ABI3BP: variants seen among roughly 807,000 people sequenced by gnomAD.
ABI3BP encodes target of Nesh-SH3.
In ABI3BP, 216 loss-of-function variants were observed where a neutral mutation model predicts 268.6. The observed-to-expected ratio is 0.80, with a 90% CI of 0.72 to 0.90. ABI3BP has a LOEUF of 0.90. Ranked by LOEUF, ABI3BP falls within the 40% of genes least tolerant of loss-of-function variation. ABI3BP has a pLI of 0.00. For missense variants in ABI3BP, 2,090 were observed against 2,182.4 expected (o/e 0.96, Z 0.84); for synonymous variants, 730 against 730.0 (o/e 1.00, Z 0.00).
intron 1 of ABI3BP, among the ~76,000 whole-genome samples, chr3:100,959,346 C>T (rs555360506): frequency 5.3e-5 from 8 of 151,156 alleles, no homozygotes; most frequent in African/African-American, 7.3e-5. Flanking sequence ...AAAAATTAGC[C>T]GGGCGTGGTA....
chr3:100,907,331 A>G (rs1229069014), intron 2 of ABI3BP, among the ~76,000 whole-genome samples: 3 of 152,058 alleles, frequency 2.0e-5, no homozygotes, highest in African/African-American at 7.2e-5. Flanking sequence ...CCATCTCTAC[A>G]AAAAAGACAA....
chr3:100,890,743 T>C (rs570984304), intron 4 of ABI3BP, among the ~76,000 whole-genome samples: 1 of 152,288 alleles, frequency 6.6e-6, no homozygotes, highest in African/African-American at 2.4e-5. Flanking sequence ...CCTCTGTGAA[T>C]TTCATAACTA....
chr3:100,772,519 T>C (rs1345566778), intron 61 of ABI3BP, among the ~76,000 whole-genome samples: 1 of 152,176 alleles, frequency 6.6e-6, no homozygotes, highest in Non-Finnish European at 1.5e-5. Context: ...AAGTTGTAGA[T>C]TATCACTAGA....
At chr3:100,887,168 GA>G (rs1226248106) in intron 4 of ABI3BP, among the ~76,000 whole-genome samples, 1 of 151,882 alleles carries the variant, frequency 6.6e-6, no homozygotes, top group Non-Finnish European at 1.5e-5. Context: ...TGGCAGAATC[GA>G]AATACAAAGA....
chr3:100,840,739 T>C, intron 22 of ABI3BP, 81 bp downstream of exon 22: 1 of 1,187,480 alleles, frequency 8.4e-7, no homozygotes, highest in Non-Finnish European at 1.2e-6. Context: ...ATGTATTAAT[T>C]CATTAATGTG....
chr3:100,831,782 A>G (rs1471862745), intron 31 of ABI3BP, among the ~76,000 whole-genome samples: 7 of 152,132 alleles, frequency 4.6e-5, no homozygotes. Flanking sequence ...AATATTTGCC[A>G]TGCTTCTAGG....
chr3:100,888,387 T>C (rs1286690391), intron 4 of ABI3BP, among the ~76,000 whole-genome samples: 1 of 152,106 alleles, frequency 6.6e-6, no homozygotes. Flanking sequence ...TCCTGGCTCT[T>C]AGAGAAATGT....
intron 1 of ABI3BP, among the ~76,000 whole-genome samples, chr3:100,946,368 C>CAA (rs397990638): frequency 0.011 from 870 of 82,532 alleles, 11 homozygotes; most frequent in African/African-American, 0.035. Context: ...GACTCTATCT[C>CAA]AAAAAAAAAA....
chr3:100,833,891 T>G (rs2098533417), intron 29 of ABI3BP, among the ~76,000 whole-genome samples: 1 of 152,182 alleles, frequency 6.6e-6, no homozygotes, highest in Admixed American at 6.5e-5. Flanking sequence ...TTCCTATCCT[T>G]CCAATGTCAC....
chr3:100,850,791 A>G, intron 15 of ABI3BP, 57 bp from the exon 16 acceptor site: 1 of 1,331,730 alleles, frequency 7.5e-7, no homozygotes, highest in Non-Finnish European at 1.1e-6. Context: ...GGAATAAAAT[A>G]CAAATTCATG....
intron 2 of ABI3BP, among the ~76,000 whole-genome samples, chr3:100,908,960 A>G (rs1372442256): frequency 6.6e-6 from 1 of 152,230 alleles, no homozygotes; most frequent in Non-Finnish European, 1.5e-5. Flanking sequence ...GACAATCCTA[A>G]GCAAAAATAA....
chr3:100,760,892 T>C (rs11716883), intron 63 of ABI3BP, among the ~76,000 whole-genome samples: 26 of 151,894 alleles, frequency 1.7e-4, no homozygotes, highest in Non-Finnish European at 8.8e-5. Context: ...GTTTTTTTTT[T>C]AAATTTTCAT....
intron 64 of ABI3BP, 132 bp from the exon 65 acceptor site, chr3:100,753,980 A>T: frequency 1.1e-6 from 1 of 950,082 alleles, no homozygotes; most frequent in Non-Finnish European, 1.6e-6. Flanking sequence ...TTTGCTAAGG[A>T]TTGAATTTGA....
intron 1 of ABI3BP, among the ~76,000 whole-genome samples, chr3:100,969,431 G>A (rs901318563): frequency 1.3e-5 from 2 of 152,124 alleles, no homozygotes; most frequent in African/African-American, 2.4e-5. Context: ...TGCAAAAAAA[G>A]CAAGAGCCAA....
intron 1 of ABI3BP, among the ~76,000 whole-genome samples, chr3:100,931,344 A>G (rs1264761034): frequency 6.6e-6 from 1 of 152,146 alleles, no homozygotes; most frequent in Non-Finnish European, 1.5e-5. Flanking sequence ...AGTCTTAGCT[A>G]GAGCAATCAG....
intron 2 of ABI3BP, among the ~76,000 whole-genome samples, chr3:100,907,431 T>C (rs931474767): frequency 6.6e-6 from 1 of 152,138 alleles, no homozygotes; most frequent in Non-Finnish European, 1.5e-5. Context: ...GAGGCACAGG[T>C]TGCAGTGAGC....
intron 4 of ABI3BP, among the ~76,000 whole-genome samples, chr3:100,888,143 A>C (rs1237439502): frequency 6.6e-6 from 1 of 152,090 alleles, no homozygotes; most frequent in Non-Finnish European, 1.5e-5. Context: ...TTTCTAGTGA[A>C]AGCTGTGCTC....
chr3:100,882,287 T>A (rs1241810705), intron 6 of ABI3BP, among the ~76,000 whole-genome samples: 1 of 152,120 alleles, frequency 6.6e-6, no homozygotes, highest in African/African-American at 2.4e-5. Context: ...GGTATACACT[T>A]CTTTGGACTA....
At chr3:100,809,343 C>T (rs577717732) in intron 49 of ABI3BP, among the ~76,000 whole-genome samples, 7 of 152,038 alleles carry the variant, frequency 4.6e-5, no homozygotes, top group Non-Finnish European at 7.4e-5. Context: ...AACTACCCTA[C>T]TTACTAAGGT....
Sources: gnomAD v4.1 joint callset for allele counts (sites outside exome capture counted in the v4.1 genomes callset) on GRCh38, gnomAD v4.1.1 for gene constraint, MANE v1.5 for transcripts, NCBI Gene and HGNC (gene_info 2026-07-23, HGNC 2026-07-21) for gene names.